RANBP2: variants seen among roughly 807,000 people sequenced by gnomAD.
RANBP2 encodes RAN binding protein 2.
RANBP2 carries 57 observed loss-of-function variants against 303.6 expected under a neutral mutation model. The observed-to-expected ratio is 0.19, with a 90% CI of 0.15 to 0.23. The LOEUF (loss-of-function observed/expected upper bound fraction) is 0.23. RANBP2 is among the 10% of genes least tolerant of loss of function. The pLI, the probability that RANBP2 is intolerant of heterozygous loss-of-function variation, is 1.00. For missense variants in RANBP2, 3,138 were observed against 3,780.8 expected, an observed-to-expected ratio of 0.83 and a Z score of 4.46; for synonymous variants, 1,167 against 1,301.5, an observed-to-expected ratio of 0.90 and a Z score of 2.23.
chr2:108,970,724 A>G, the RANBP2 span, among the ~76,000 whole-genome samples: 1 of 152,158 alleles, frequency 6.6e-6, no homozygotes, highest in Non-Finnish European at 1.5e-5. Flanking sequence ...AGCTAAGATG[A>G]TGGTTTTTTA....
At chr2:109,651,191 G>A in the RANBP2 span, among the ~76,000 whole-genome samples, 4 of 152,078 alleles carry the variant, frequency 2.6e-5, no homozygotes, top group African/African-American at 9.7e-5. Context: ...TAATGAGAGG[G>A]TTCACTACCA....
the RANBP2 span, among the ~76,000 whole-genome samples, chr2:109,350,563 T>C: frequency 5.3e-5 from 8 of 152,190 alleles, no homozygotes; most frequent in African/African-American, 1.9e-4. Context: ...CTGCTACCTG[T>C]TCTGTCCTGT....
chr2:109,081,292 G>T, the RANBP2 span, among the ~76,000 whole-genome samples: 40 of 152,132 alleles, frequency 2.6e-4, no homozygotes, highest in African/African-American at 9.4e-4. Context: ...TCTATTGATC[G>T]AATTGAGTCC....
intron 17 of RANBP2, among the ~76,000 whole-genome samples, chr2:108,757,714 T>C (rs1296620445): frequency 1.3e-5 from 2 of 152,174 alleles, no homozygotes; most frequent in African/African-American, 4.8e-5. Context: ...AGTGTAATGT[T>C]AGAGGACTGT....
In RANBP2 at chr2:108,767,275, T is replaced by G. The variant is rs1677184477; in HGVS notation, c.6736T>G (p.Ser2246Ala). 2 of 1,611,926 alleles carry G rather than the reference T, an allele frequency of 1.2e-6. No individual in the cohort carries two copies. Among genetic ancestry groups the G allele is most frequent in the Admixed American group, 1.7e-5 (1 of 60,000 alleles). ...DSVSSSSVHA[S>A]PLASSPVRKN... ...TGTCAGTAGTAGCTCAGTACATGCTTCTCCATTGGCAAGTAGCCCTGTGAG... is the reference window on the plus strand; with the variant it reads ...TGTCAGTAGTAGCTCAGTACATGCTGCTCCATTGGCAAGTAGCCCTGTGAG... The change falls in exon 20 of 29, where the codon TCT becomes GCT. Residue 2246 changes from serine (S) to alanine (A), a missense_variant. Ser to Ala is a moderately conservative substitution (Grantham distance 99, BLOSUM62 1). Coordinates refer to ENST00000283195, the MANE Select transcript of RANBP2 (RefSeq NM_006267.5).
chr2:108,942,289 G>A, the RANBP2 span, among the ~76,000 whole-genome samples: 1 of 152,244 alleles, frequency 6.6e-6, no homozygotes, highest in South Asian at 2.1e-4. Flanking sequence ...AGGTGGGAGA[G>A]CCGAGGCACA....
At chr2:108,876,165 A>G in the RANBP2 span, 25 of 1,612,710 alleles carry the variant, frequency 1.6e-5, 1 homozygote, top group African/African-American at 1.9e-4. Context: ...AACCCAGAGC[A>G]TGCATTTCTC....
At chr2:109,083,162 C>T in the RANBP2 span, among the ~76,000 whole-genome samples, 1 of 152,074 alleles carries the variant, frequency 6.6e-6, no homozygotes, top group Non-Finnish European at 1.5e-5. Flanking sequence ...CCATTTAAAC[C>T]ATTTTAAGCA....
At chr2:109,049,896 G>A in the RANBP2 span, among the ~76,000 whole-genome samples, 22 of 152,222 alleles carry the variant, frequency 1.4e-4, no homozygotes, top group African/African-American at 4.1e-4. Flanking sequence ...AAGACCATAG[G>A]GCTGACCGAC....
the RANBP2 span, among the ~76,000 whole-genome samples, chr2:108,937,586 G>A: frequency 6.6e-6 from 1 of 151,608 alleles, no homozygotes; most frequent in South Asian, 2.1e-4. Context: ...ATGTGTAAGT[G>A]TATTTGTATA....
At chr2:109,215,359 A>AAGGG in the RANBP2 span, among the ~76,000 whole-genome samples, 2 of 152,252 alleles carry the variant, frequency 1.3e-5, no homozygotes, top group East Asian at 3.9e-4. Context: ...AACACCAGAG[A>AAGGG]AGGGAGGGTG....
chr2:109,137,918 C>T, the RANBP2 span, among the ~76,000 whole-genome samples: 3 of 152,232 alleles, frequency 2.0e-5, no homozygotes, highest in African/African-American at 4.8e-5. Context: ...GAGGCTGGGC[C>T]AGCTAAATCT....
the RANBP2 span, among the ~76,000 whole-genome samples, chr2:109,635,214 G>A: frequency 4.6e-5 from 7 of 152,008 alleles, no homozygotes; most frequent in South Asian, 2.1e-4. Context: ...ATGGAGTCTC[G>A]CTCTGTTGCC....
At chr2:109,372,164 G>C in the RANBP2 span, among the ~76,000 whole-genome samples, 6 of 152,250 alleles carry the variant, frequency 3.9e-5, no homozygotes, top group African/African-American at 1.2e-4. Context: ...CAACTCTTCT[G>C]CCTGAGAGGC....
At chr2:108,883,655 C>T in the RANBP2 span, 1 of 152,228 alleles carries the variant, frequency 6.6e-6, no homozygotes, top group Non-Finnish European at 1.5e-5. Context: ...CCTCCCTGGC[C>T]TGGGATGCTC....
At chr2:109,519,721 A>G in the RANBP2 span, among the ~76,000 whole-genome samples, 7 of 152,358 alleles carry the variant, frequency 4.6e-5, 2 homozygotes, top group East Asian at 1.3e-3. Flanking sequence ...CCTGGGTAAA[A>G]AGAAAGACAC....
chr2:109,013,018 G>A, the RANBP2 span, among the ~76,000 whole-genome samples: 1 of 152,236 alleles, frequency 6.6e-6, no homozygotes, highest in Non-Finnish European at 1.5e-5. Context: ...GGGCCGAGTA[G>A]GGCGAAACTC....
At chr2:109,151,355 A>G in the RANBP2 span, among the ~76,000 whole-genome samples, 167 of 152,316 alleles carry the variant, frequency 1.1e-3, no homozygotes, top group Non-Finnish European at 1.1e-3. Context: ...ATTCATGAAA[A>G]GCTAATGGTT....
At chr2:109,618,213 A>G in the RANBP2 span, 1 of 166,974 alleles carries the variant, frequency 6.0e-6, no homozygotes, top group African/African-American at 2.4e-5. Flanking sequence ...CATTTGTTCT[A>G]AATCTATACA....
Sources: allele counts gnomAD v4.1 joint callset (sites outside exome capture counted in the v4.1 genomes callset), GRCh38; gene constraint gnomAD v4.1.1; transcripts MANE v1.5; gene names NCBI Gene and HGNC (gene_info 2026-07-23, HGNC 2026-07-21).